Variants in CREBRF observed in about 807,000 individuals in gnomAD.
CREBRF encodes the protein UPF0474 protein C5orf41.
CREBRF carries 5 observed loss-of-function variants against 66.1 expected under a neutral mutation model. The ratio of observed to expected loss-of-function variants is 0.08; its 90% CI spans 0.04 to 0.16. CREBRF has a LOEUF of 0.16. CREBRF is among the 10% of genes least tolerant of loss of function. The pLI is 1.00. For synonymous variants in CREBRF, 229 were observed against 264.4 expected (o/e 0.87, Z 1.30); for missense variants, 531 against 744.9 (o/e 0.71, Z 3.34).
rs1293769919 is a variant in CREBRF, at chr5:173,136,384, A to G, written c.*2639A>G. 1.3e-5 allele frequency: 2 copies of G among 152,418 alleles called. No individual in the cohort carries two copies. Among genetic ancestry groups the G allele is most frequent in the South Asian group, 2.1e-4 (1 of 4,812 alleles). The allele number at this position is 152,418 out of a possible 1,614,324, so 9.4% of individuals were successfully genotyped here. A position where few individuals can be genotyped will look rare whatever the true frequency, so the allele number is the denominator to read the frequency against. On this transcript the variant is annotated 3_prime_UTR_variant, in exon 9 of 9. Coordinates refer to ENST00000296953, the MANE Select transcript of CREBRF (RefSeq NM_153607.3). ...TGTACCTATTTATATATGTATGTAT[A>G]TCTTAGAAAAGCACTTTGTTAAAAA...
intron 5 of CREBRF, chr5:173,110,299 G>C: frequency 1.6e-6 from 1 of 633,466 alleles, no homozygotes; most frequent in Admixed American, 2.2e-5. Flanking sequence ...GAAAAAGTTA[G>C]AACTCTGCCA....
chr5:173,079,783 G>C (rs1167538277), intron 1 of CREBRF, among the ~76,000 whole-genome samples: 1 of 152,188 alleles, frequency 6.6e-6, no homozygotes, highest in Non-Finnish European at 1.5e-5. Flanking sequence ...ATCATACTTT[G>C]AGACCCACTG....
At chr5:173,075,254 T>C (rs551295436) in intron 1 of CREBRF, among the ~76,000 whole-genome samples, 1 of 152,230 alleles carries the variant, frequency 6.6e-6, no homozygotes, top group Admixed American at 6.5e-5. Flanking sequence ...AATTTTGGAG[T>C]CTAGAGAACT....
At chr5:173,121,894 T>C (rs1648384184) in intron 7 of CREBRF, among the ~76,000 whole-genome samples, 1 of 152,132 alleles carries the variant, frequency 6.6e-6, no homozygotes, top group African/African-American at 2.4e-5. Context: ...CTCACTGTGG[T>C]ACCTAGGCTG....
chr5:173,106,233 TC>T (rs970257720), intron 4 of CREBRF, among the ~76,000 whole-genome samples: 3 of 151,214 alleles, frequency 2.0e-5, no homozygotes, highest in African/African-American at 7.3e-5. Flanking sequence ...ATCGAAACCA[TC>T]CTGGCTAACA....
At chr5:173,063,044 G>A (rs1324656416) in intron 1 of CREBRF, among the ~76,000 whole-genome samples, 1 of 152,152 alleles carries the variant, frequency 6.6e-6, no homozygotes, top group African/African-American at 2.4e-5. Context: ...ACCGCGCCCA[G>A]CCTGTAAAAT....
intron 8 of CREBRF, 48 bp downstream of exon 8, chr5:173,123,250 G>A (rs1759185056): frequency 6.5e-7 from 1 of 1,546,662 alleles, no homozygotes; most frequent in African/African-American, 1.4e-5. Flanking sequence ...ATATGTGTAA[G>A]ATGTATGATT....
intron 2 of CREBRF, chr5:173,086,113 G>T: frequency 1.2e-6 from 1 of 807,954 alleles, no homozygotes; most frequent in South Asian, 1.3e-5. Flanking sequence ...AAAACAGTAC[G>T]TTATTCCGAT....
At chr5:173,130,561 G>A (rs1387760540) in intron 8 of CREBRF, among the ~76,000 whole-genome samples, 1 of 149,208 alleles carries the variant, frequency 6.7e-6, no homozygotes, top group Non-Finnish European at 1.5e-5. Flanking sequence ...GTCTCGCTCT[G>A]TCACCCAGGC....
chr5:173,110,989 G>A (rs1477486709), intron 6 of CREBRF, among the ~76,000 whole-genome samples: 3 of 152,062 alleles, frequency 2.0e-5, no homozygotes, highest in South Asian at 2.1e-4. Context: ...TTTTTAGTAA[G>A]TCAGAGTTAT....
At chr5:173,078,946 A>AT (rs139211838) in intron 1 of CREBRF, among the ~76,000 whole-genome samples, 2,220 of 152,298 alleles carry the variant, frequency 0.015, 42 homozygotes, top group African/African-American at 0.051. Flanking sequence ...CTTGAATTAG[A>AT]TGCCTTTAGG....
chr5:173,080,496 A>G (rs1757908640), intron 1 of CREBRF, 89 bp from the exon 2 acceptor site: 1 of 497,020 alleles, frequency 2.0e-6, no homozygotes. Context: ...ATTCTCTGCT[A>G]ATATTATTTT....
At chr5:173,068,550 C>G (rs897241349) in intron 1 of CREBRF, among the ~76,000 whole-genome samples, 10 of 152,132 alleles carry the variant, frequency 6.6e-5, no homozygotes, top group Non-Finnish European at 1.3e-4. Flanking sequence ...TCTAAAGAGG[C>G]CTTTTCCCCT....
intron 2 of CREBRF, chr5:173,085,291 A>G (rs1758110613): frequency 2.8e-6 from 2 of 709,532 alleles, no homozygotes; most frequent in South Asian, 1.8e-5. Flanking sequence ...TGCTTTTAGT[A>G]TGATGTCAAC....
intron 1 of CREBRF, among the ~76,000 whole-genome samples, chr5:173,067,424 A>T (rs1293856580): frequency 6.6e-6 from 1 of 152,186 alleles, no homozygotes; most frequent in Non-Finnish European, 1.5e-5. Context: ...TGGAGATTCA[A>T]GCAAGCTAGA....
At chr5:173,119,423 T>C (rs976260369) in intron 7 of CREBRF, among the ~76,000 whole-genome samples, 4 of 152,182 alleles carry the variant, frequency 2.6e-5, no homozygotes, top group African/African-American at 9.7e-5. Context: ...GTATTTTATG[T>C]TTTTTAGTGC....
rs1758156445 is a variant in CREBRF, at chr5:173,086,594, A to G, written c.103A>G (p.Asn35Asp). ...TCTGATGAGCACAGATCTCTTAGCA[A>G]ACAGTTCGGATCCAGATTTCATGTA... Reference protein sequence around the residue: ...QTLMSTDLLANSSDPDFMYEL... With the variant: ...QTLMSTDLLADSSDPDFMYEL... The change falls in exon 3 of 9, where the codon AAC (asparagine) becomes GAC (aspartate). Residue 35 changes from asparagine to aspartate, a missense_variant. Transcript: ENST00000296953. The G allele has an allele frequency of 6.2e-7, 1 of 1,613,486 alleles. No homozygotes were observed. Among genetic ancestry groups the G allele is most frequent in the Non-Finnish European group, 8.5e-7 (1 of 1,179,766 alleles).
intron 4 of CREBRF, among the ~76,000 whole-genome samples, chr5:173,106,437 AAAG>A (rs901838096): frequency 1.3e-5 from 2 of 151,004 alleles, no homozygotes; most frequent in African/African-American, 4.9e-5. Flanking sequence ...CTCAAAAAAA[AAAG>A]AAGAGCCTAA....
intron 1 of CREBRF, among the ~76,000 whole-genome samples, chr5:173,076,781 A>T (rs1260614998): frequency 1.2e-4 from 18 of 151,380 alleles, no homozygotes; most frequent in African/African-American, 4.4e-4. Flanking sequence ...GAGTGTTTAG[A>T]ACAGTTTCTG....
Sources: gnomAD v4.1 joint callset for allele counts (sites outside exome capture counted in the v4.1 genomes callset) on GRCh38, gnomAD v4.1.1 for gene constraint, MANE v1.5 for transcripts, NCBI Gene and HGNC (gene_info 2026-07-23, HGNC 2026-07-21) for gene names.